STAU2: variants seen among roughly 807,000 people sequenced by gnomAD.
The protein encoded by STAU2 is staufen double-stranded RNA binding protein 2, also known as double-stranded RNA-binding protein Staufen homolog 2.
A neutral mutation model predicts 65.9 loss-of-function variants in STAU2; 20 were observed. That is an observed-to-expected ratio of 0.30 (90% CI 0.21 to 0.44). The LOEUF (loss-of-function observed/expected upper bound fraction) is 0.44. Ranked by LOEUF, STAU2 falls within the 20% of genes least tolerant of loss-of-function variation. The pLI is 1.00. For synonymous variants in STAU2, 232 were observed against 233.9 expected (o/e 0.99, Z 0.07); for missense variants, 558 against 683.9 (o/e 0.82, Z 2.05).
chr8:73,443,017 C>T (rs927623229), intron 13 of STAU2, among the ~76,000 whole-genome samples: 3 of 152,164 alleles, frequency 2.0e-5, no homozygotes, highest in Admixed American at 1.3e-4. Flanking sequence ...CATTCCAATA[C>T]GCAACTTCAA....
At chr8:73,573,980 G>A (rs1254102462) in intron 12 of STAU2, among the ~76,000 whole-genome samples, 2 of 152,068 alleles carry the variant, frequency 1.3e-5, no homozygotes, top group African/African-American at 4.8e-5. Context: ...CTACAGAATA[G>A]GAGAAAATTT....
chr8:73,578,518 G>C (rs772425988), intron 12 of STAU2, among the ~76,000 whole-genome samples: 5 of 152,128 alleles, frequency 3.3e-5, no homozygotes, highest in Non-Finnish European at 7.4e-5. Flanking sequence ...TGAAATATTT[G>C]GATCTTTCCT....
chr8:73,430,237 G>A (rs547075047), intron 13 of STAU2, among the ~76,000 whole-genome samples: 19 of 152,334 alleles, frequency 1.2e-4, no homozygotes, highest in South Asian at 6.2e-4. Flanking sequence ...GCAGTGAGAA[G>A]AGGCACTGGG....
intron 12 of STAU2, among the ~76,000 whole-genome samples, chr8:73,571,210 T>C (rs1490300424): frequency 6.6e-6 from 1 of 152,148 alleles, no homozygotes; most frequent in East Asian, 1.9e-4. Context: ...CCTAAATATA[T>C]ATGCACCCAA....
intron 1 of STAU2, among the ~76,000 whole-genome samples, chr8:73,745,760 G>A (rs1361646996): frequency 2.0e-5 from 3 of 152,064 alleles, no homozygotes; most frequent in Non-Finnish European, 4.4e-5. Flanking sequence ...AGTGGGGATG[G>A]GGGTAAGGGG....
intron 4 of STAU2, among the ~76,000 whole-genome samples, chr8:73,690,157 T>A (rs528746636): frequency 6.6e-6 from 1 of 151,748 alleles, no homozygotes; most frequent in African/African-American, 2.4e-5. Flanking sequence ...TGAATCCCCA[T>A]CCCTACTAAA....
At chr8:73,638,518 T>TAAA (rs750824602) in intron 6 of STAU2, among the ~76,000 whole-genome samples, 1,756 of 141,880 alleles carry the variant, frequency 0.012, 31 homozygotes, top group African/African-American at 0.043. Context: ...TTTTTTTTTT[T>TAAA]AAAAAGAGTC....
chr8:73,586,646 C>CAAAAA (rs56687221), intron 11 of STAU2, among the ~76,000 whole-genome samples: 5 of 62,730 alleles, frequency 8.0e-5, no homozygotes, highest in Non-Finnish European at 1.4e-4. Flanking sequence ...AAAAAAAATG[C>CAAAAA]AAAAAAAAAA....
chr8:73,429,583 C>G (rs1039256283), intron 13 of STAU2, among the ~76,000 whole-genome samples: 1 of 151,102 alleles, frequency 6.6e-6, no homozygotes, highest in Non-Finnish European at 1.5e-5. Context: ...CAGGCAGGCA[C>G]CACCATACCT....
At chr8:73,528,138 T>C (rs1805566779) in intron 13 of STAU2, among the ~76,000 whole-genome samples, 1 of 152,134 alleles carries the variant, frequency 6.6e-6, no homozygotes, top group African/African-American at 2.4e-5. Flanking sequence ...AAGTCAAAGT[T>C]CATCTGATTC....
intron 13 of STAU2, among the ~76,000 whole-genome samples, chr8:73,520,506 C>A (rs79601955): frequency 0.01 from 1,568 of 152,276 alleles, 27 homozygotes; most frequent in African/African-American, 0.036. Context: ...GTAGTCCTTG[C>A]GGTTGATTCC....
At chr8:73,710,358 G>A (rs1820804750) in intron 3 of STAU2, among the ~76,000 whole-genome samples, 1 of 148,340 alleles carries the variant, frequency 6.7e-6, no homozygotes, top group Non-Finnish European at 1.5e-5. Context: ...CCAAGTAGCT[G>A]AATTACAGGC....
At chr8:73,738,165 T>G (rs1281535676) in intron 3 of STAU2, 119 bp downstream of exon 3, 2 of 896,454 alleles carry the variant, frequency 2.2e-6, no homozygotes, top group Non-Finnish European at 3.6e-6. Context: ...AGTAGGTAAC[T>G]GCTTTAAAAA....
At chr8:73,695,819 G>T (rs537004650) in intron 4 of STAU2, among the ~76,000 whole-genome samples, 2 of 152,172 alleles carry the variant, frequency 1.3e-5, no homozygotes, top group Non-Finnish European at 2.9e-5. Context: ...GAGGGATTTT[G>T]TATTATGGAT....
intron 6 of STAU2, among the ~76,000 whole-genome samples, chr8:73,623,605 A>G (rs1813424010): frequency 6.6e-6 from 1 of 152,164 alleles, no homozygotes; most frequent in Non-Finnish European, 1.5e-5. Context: ...TTACTTATCT[A>G]CAAAATATTT....
chr8:73,669,106 G>A (rs910033418), intron 6 of STAU2: 1 of 701,926 alleles, frequency 1.4e-6, no homozygotes, highest in East Asian at 2.7e-5. Flanking sequence ...TTCAAGTGTT[G>A]CCATCTATAA....
At chr8:73,559,278 G>GT (rs1373136996) in intron 12 of STAU2, among the ~76,000 whole-genome samples, 29 of 152,106 alleles carry the variant, frequency 1.9e-4, no homozygotes, top group African/African-American at 6.8e-4. Flanking sequence ...TGAAAGCACC[G>GT]TTTTATGCTG....
At chr8:73,554,140 TGC>T (rs973579473) in intron 12 of STAU2, among the ~76,000 whole-genome samples, 19 of 152,210 alleles carry the variant, frequency 1.2e-4, no homozygotes, top group Non-Finnish European at 2.5e-4. Context: ...ATCAGTCCCT[TGC>T]TTGTCTCAGT....
At chr8:73,630,155 T>G (rs1643883959) in intron 6 of STAU2, among the ~76,000 whole-genome samples, 1 of 152,228 alleles carries the variant, frequency 6.6e-6, no homozygotes, top group African/African-American at 2.4e-5. Flanking sequence ...TTTGTAAAAT[T>G]TTTCCTGCAC....
Sources: gnomAD v4.1 joint callset for allele counts (sites outside exome capture counted in the v4.1 genomes callset) on GRCh38, gnomAD v4.1.1 for gene constraint, MANE v1.5 for transcripts, NCBI Gene and HGNC (gene_info 2026-07-23, HGNC 2026-07-21) for gene names.